Variants in PRKG1 observed in about 807,000 individuals in gnomAD.
PRKG1 encodes protein kinase cGMP-dependent 1, also known as cGMP-dependent protein kinase 1.
PRKG1 carries 35 observed loss-of-function variants against 88.1 expected under a neutral mutation model. The ratio of observed to expected loss-of-function variants is 0.40; its 90% confidence interval spans 0.30 to 0.53. The LOEUF is 0.53. Ranked by LOEUF, PRKG1 falls within the 20% of genes least tolerant of loss-of-function variation. The pLI, the probability that PRKG1 is intolerant of heterozygous loss-of-function variation, is 0.59. For missense variants in PRKG1, 540 were observed against 839.8 expected (o/e 0.64, Z 4.41); for synonymous variants, 303 against 292.5 (o/e 1.04, Z -0.37).
chr10:50,993,282 A>G (rs753405744), intron 1 of PRKG1, among the ~76,000 whole-genome samples: 6 of 152,366 alleles, frequency 3.9e-5, no homozygotes, highest in Admixed American at 3.9e-4. Context: ...CAGCCATCTC[A>G]GAAGACAGCT....
At chr10:51,320,286 TA>T in intron 2 of PRKG1, 1 of 168,982 alleles carries the variant, frequency 5.9e-6, no homozygotes, top group Non-Finnish European at 1.4e-5. Flanking sequence ...AACCAGATAT[TA>T]GGAAGCTCAC....
At chr10:51,537,188 A>C (rs1315440282) in intron 3 of PRKG1, among the ~76,000 whole-genome samples, 2 of 152,210 alleles carry the variant, frequency 1.3e-5, no homozygotes, top group Non-Finnish European at 2.9e-5. Flanking sequence ...ATGTGCTGAA[A>C]TAAGTTTCAT....
At chr10:52,166,839 G>GTATATATGTATA (rs1838477606) in intron 9 of PRKG1, among the ~76,000 whole-genome samples, 950 of 90,488 alleles carry the variant, frequency 0.01, 40 homozygotes, top group Non-Finnish European at 0.014. Flanking sequence ...GTATATATAT[G>GTATATATGTATA]TATATATATG....
rs1187255469 is a variant in PRKG1 at position 51,855,833 on chromosome 10, T to C, written c.698+51143T>C. On this transcript the variant is annotated intron_variant, in intron 4 of 17. Transcript: ENST00000373980. The stretch of plus-strand genomic sequence containing the variant: ...CAAAACAAAACAGAGAAATCCAAAG[T>C]GTATTCACTTCCTACTGCTGCTGTA... Among the ~76,000 whole-genome samples, 27 of 152,314 alleles carry C rather than the reference T, an allele frequency of 1.8e-4. No homozygotes were observed. In the East Asian group the frequency reaches 5.0e-3, roughly 28 times the overall value.
intron 3 of PRKG1, among the ~76,000 whole-genome samples, chr10:51,678,321 C>T (rs979135679): frequency 6.6e-6 from 1 of 152,094 alleles, no homozygotes; most frequent in African/African-American, 2.4e-5. Flanking sequence ...ATTTTACCTC[C>T]TATCTGAGCA....
intron 2 of PRKG1, among the ~76,000 whole-genome samples, chr10:51,220,572 T>G (rs1363039406): frequency 6.6e-6 from 1 of 152,088 alleles, no homozygotes; most frequent in Admixed American, 6.6e-5. Context: ...TGACAGCAAT[T>G]ACCATTATAC....
intron 2 of PRKG1, among the ~76,000 whole-genome samples, chr10:51,290,047 A>G (rs552810332): frequency 2.0e-5 from 3 of 152,288 alleles, no homozygotes; most frequent in East Asian, 1.9e-4. Context: ...ATTTGCTGTC[A>G]TCAAGTGAAT....
At chr10:51,158,653 T>C (rs187396789) in intron 2 of PRKG1, among the ~76,000 whole-genome samples, 95 of 152,082 alleles carry the variant, frequency 6.2e-4, no homozygotes, top group African/African-American at 2.2e-3. Context: ...TCTTATTAGT[T>C]CCTTTTTTCT....
At chr10:51,550,485 G>T (rs571051168) in intron 3 of PRKG1, among the ~76,000 whole-genome samples, 1 of 151,956 alleles carries the variant, frequency 6.6e-6, no homozygotes, top group African/African-American at 2.4e-5. Flanking sequence ...GGTGCTTATG[G>T]TCATTATTTA....
At chr10:51,428,335 A>G (rs571686671) in intron 2 of PRKG1, among the ~76,000 whole-genome samples, 6 of 152,186 alleles carry the variant, frequency 3.9e-5, no homozygotes, top group Non-Finnish European at 7.3e-5. Flanking sequence ...CTTGTTTCTC[A>G]TTCTTTTGCC....
At chr10:51,244,308 CT>C (rs76339310) in intron 2 of PRKG1, among the ~76,000 whole-genome samples, 5,175 of 136,548 alleles carry the variant, frequency 0.038, 246 homozygotes, top group African/African-American at 0.12. Context: ...CCCTTTCTTC[CT>C]TTTTTTTTTT....
chr10:52,192,361 A>G (rs187651675), intron 9 of PRKG1, among the ~76,000 whole-genome samples: 86 of 152,242 alleles, frequency 5.6e-4, no homozygotes, highest in Admixed American at 1.0e-3. Context: ...GGTCACTGCT[A>G]TTGGCTTTCT....
At chr10:51,989,820 A>G (rs1844256054) in intron 5 of PRKG1, among the ~76,000 whole-genome samples, 1 of 152,076 alleles carries the variant, frequency 6.6e-6, no homozygotes, top group African/African-American at 2.4e-5. Flanking sequence ...ATGTAATCCC[A>G]TGTATTTATT....
chr10:51,697,825 C>G, intron 3 of PRKG1: 1 of 1,614,184 alleles, frequency 6.2e-7, no homozygotes, highest in Non-Finnish European at 8.5e-7. Context: ...AAGCTGCCTT[C>G]TCCTGATCCT....
chr10:51,010,120 C>G (rs182435750), intron 1 of PRKG1, among the ~76,000 whole-genome samples: 2 of 152,294 alleles, frequency 1.3e-5, no homozygotes, highest in Admixed American at 1.3e-4. Context: ...GGGAATTTTC[C>G]AGGGCCATTG....
At chr10:51,846,635 A>G (rs2132791921) in intron 4 of PRKG1, among the ~76,000 whole-genome samples, 1 of 152,334 alleles carries the variant, frequency 6.6e-6, no homozygotes, top group Non-Finnish European at 1.5e-5. Context: ...TTCAAGGAAC[A>G]TGATAGCTTG....
intron 5 of PRKG1, among the ~76,000 whole-genome samples, chr10:51,944,734 G>A (rs1842986572): frequency 6.6e-6 from 1 of 152,042 alleles, no homozygotes; most frequent in Non-Finnish European, 1.5e-5. Flanking sequence ...TTCAGGAGCA[G>A]GTTGTTCAGT....
intron 11 of PRKG1, 64 bp from the exon 12 acceptor site, chr10:52,272,328 A>C (rs1841749285): frequency 7.5e-7 from 1 of 1,325,364 alleles, no homozygotes; most frequent in East Asian, 2.4e-5. Flanking sequence ...GGGCCCCCCA[A>C]AATTGCACAC....
At chr10:51,705,477 T>C (rs12246619) in intron 3 of PRKG1, among the ~76,000 whole-genome samples, 10,595 of 152,284 alleles carry the variant, frequency 0.07, 389 homozygotes, top group East Asian at 0.086. Context: ...GGTTCCCACA[T>C]TTAGTCTTGA....
Sources: gnomAD v4.1 joint callset for allele counts (sites outside exome capture counted in the v4.1 genomes callset) on GRCh38, gnomAD v4.1.1 for gene constraint, MANE v1.5 for transcripts, NCBI Gene and HGNC (gene_info 2026-07-23, HGNC 2026-07-21) for gene names.